The following PARM1 variants were observed in gnomAD, a reference collection of about 807,000 sequenced individuals.
The protein encoded by PARM1 is WSC4, cell wall integrity and stress response component 4 homolog.
Under a neutral mutation model 24.6 loss-of-function variants are expected in PARM1, and 14 were observed. The ratio of observed to expected loss-of-function variants is 0.57; its 90% CI spans 0.38 to 0.89. The LOEUF (loss-of-function observed/expected upper bound fraction) is 0.89, where lower values mean the gene tolerates loss of function less well. PARM1 is among the 40% of genes least tolerant of loss of function. The pLI is 0.00. For missense variants in PARM1, 362 were observed against 380.4 expected (o/e 0.95, Z 0.40); for synonymous variants, 179 against 156.6 (o/e 1.14, Z -1.07).
chr4:74,976,860 A>C lies in PARM1; in HGVS notation c.44-35565A>C, dbSNP rs540170208. ...CCCCAGAAAACCACAGCAGCCTTAC[A>C]GAAGAGGGGCCAGACTGTTAAAAGA... On this transcript the variant is annotated intron_variant, in intron 1 of 3. Coordinates refer to ENST00000307428, the MANE Select transcript of PARM1 (RefSeq NM_015393.4). Among the ~76,000 whole-genome samples the C allele has an allele frequency of 3.9e-5, 6 of 152,306 alleles. No homozygotes were observed. The South Asian group carries it at 1.0e-3, about 26-fold the overall frequency.
At chr4:75,024,743 G>C (rs1723151965) in intron 2 of PARM1, among the ~76,000 whole-genome samples, 1 of 152,146 alleles carries the variant, frequency 6.6e-6, no homozygotes, top group African/African-American at 2.4e-5. Context: ...TCGTCGCCCA[G>C]GCTGGACTGT....
At chr4:74,959,782 A>T (rs1276898792) in intron 1 of PARM1, among the ~76,000 whole-genome samples, 1 of 152,234 alleles carries the variant, frequency 6.6e-6, no homozygotes, top group South Asian at 2.1e-4. Flanking sequence ...CAGATTTTTC[A>T]TCATTAAGAA....
intron 1 of PARM1, among the ~76,000 whole-genome samples, chr4:74,986,117 A>G (rs1722350504): frequency 6.6e-6 from 1 of 152,132 alleles, no homozygotes; most frequent in Admixed American, 6.6e-5. Context: ...ATGCTGAGAG[A>G]TGGCATTTTG....
intron 1 of PARM1, among the ~76,000 whole-genome samples, chr4:74,986,349 G>T (rs1369411701): frequency 6.6e-6 from 1 of 152,114 alleles, no homozygotes; most frequent in African/African-American, 2.4e-5. Flanking sequence ...TATACTCAAA[G>T]TGCTAATTAC....
Position 75,046,369 on chromosome 4 carries a change from G to T in PARM1, c.*122G>T. ...TCTTAAGCCCTGTTTTGTTGGTATG[G>T]TTGTTTTTGTTTTCCTCCCTCTCCT... On this transcript the variant is annotated 3_prime_UTR_variant, in exon 4 of 4. Coordinates refer to ENST00000307428, the MANE Select transcript of PARM1 (RefSeq NM_015393.4). 2 of 644,178 alleles carry T rather than the reference G, an allele frequency of 3.1e-6. No homozygotes were observed. The highest frequency in any genetic ancestry group is 5.4e-6 in the Non-Finnish European group (2 of 369,216). 39.9% of individuals were successfully genotyped at this position (644,178 alleles called of 1,614,324 possible). A position where few individuals can be genotyped will look rare whatever the true frequency, so the allele number is the denominator to read the frequency against.
chr4:75,007,887 C>T (rs529647391), intron 1 of PARM1, among the ~76,000 whole-genome samples: 13 of 152,308 alleles, frequency 8.5e-5, no homozygotes, highest in Admixed American at 3.3e-4. Context: ...AGATAGAAGG[C>T]GATCATCTTC....
intron 1 of PARM1, among the ~76,000 whole-genome samples, chr4:75,001,678 C>CAT (rs761182336): frequency 9.9e-5 from 15 of 152,162 alleles, no homozygotes; most frequent in Non-Finnish European, 1.5e-4. Flanking sequence ...TATACCCATT[C>CAT]ATGCTGACTG....
chr4:74,977,840 C>T (rs1228522503), intron 1 of PARM1, among the ~76,000 whole-genome samples: 2 of 152,112 alleles, frequency 1.3e-5, no homozygotes, highest in African/African-American at 4.8e-5. Context: ...GAATTTCCAA[C>T]CCAGAATTTC....
chr4:75,038,498 G>A (rs550053652), intron 3 of PARM1, among the ~76,000 whole-genome samples: 7 of 152,306 alleles, frequency 4.6e-5, no homozygotes, highest in African/African-American at 1.4e-4. Flanking sequence ...TTCAGTAGGC[G>A]TAGGGATTCA....
chr4:75,013,327 A>C (rs1288601924), intron 2 of PARM1, among the ~76,000 whole-genome samples, 177 bp downstream of exon 2: 1 of 152,258 alleles, frequency 6.6e-6, no homozygotes, highest in Non-Finnish European at 1.5e-5. Flanking sequence ...AACAATTTTC[A>C]TGATTCACTG....
chr4:75,009,570 G>C (rs1470178565), intron 1 of PARM1, among the ~76,000 whole-genome samples: 2 of 152,200 alleles, frequency 1.3e-5, no homozygotes, highest in African/African-American at 4.8e-5. Context: ...GAGTGAAGCT[G>C]ATCTTTAAGC....
Position 74,936,458 on chromosome 4 carries a change from T to TG in PARM1, c.43+3088_43+3089insG, listed in dbSNP as rs1560768673. ...CAAGTGTTTTTTTTTTGTTTGTTTT[T>TG]TTGTTTTTTTTTTGAGATGGAGTCT... On this transcript the variant is annotated intron_variant, in intron 1 of 3. Coordinates refer to ENST00000307428, the MANE Select transcript of PARM1 (RefSeq NM_015393.4). 7.7e-5 allele frequency among the ~76,000 whole-genome samples: 11 copies of TG among 142,618 alleles called. No individual in the cohort carries two copies. In the South Asian group the frequency reaches 8.8e-4, roughly 11 times the overall value. 93.6% of individuals were successfully genotyped at this position (142,618 alleles called of 152,430 possible).
intron 2 of PARM1, among the ~76,000 whole-genome samples, chr4:75,027,518 C>A (rs1303113391): frequency 2.6e-5 from 4 of 152,102 alleles, no homozygotes; most frequent in Non-Finnish European, 5.9e-5. Flanking sequence ...CTAAGGTTTT[C>A]TTTTCTCACT....
At chr4:74,974,370 A>C (rs767816223) in intron 1 of PARM1, among the ~76,000 whole-genome samples, 5 of 152,190 alleles carry the variant, frequency 3.3e-5, no homozygotes, top group Non-Finnish European at 7.4e-5. Context: ...CTGTCATAGC[A>C]GTGACACCCT....
At chr4:75,045,082 C>A (rs1560396853) in intron 3 of PARM1, among the ~76,000 whole-genome samples, 1 of 152,164 alleles carries the variant, frequency 6.6e-6, no homozygotes, top group Non-Finnish European at 1.5e-5. Context: ...GAAGGCCTCA[C>A]TGAGAAGGTG....
intron 2 of PARM1, among the ~76,000 whole-genome samples, chr4:75,031,012 C>T (rs1723265428): frequency 2.6e-5 from 4 of 152,196 alleles, no homozygotes; most frequent in Admixed American, 2.6e-4. Context: ...GTTGCGCTAA[C>T]ATGGGCTCAG....
chr4:75,030,823 G>T (rs965069187), intron 2 of PARM1, among the ~76,000 whole-genome samples: 3 of 152,020 alleles, frequency 2.0e-5, no homozygotes, highest in Non-Finnish European at 2.9e-5. Context: ...TTCCTCATAA[G>T]CCAGAGGCTC....
At chr4:75,013,526 A>G (rs554774453) in intron 2 of PARM1, among the ~76,000 whole-genome samples, 43 of 152,364 alleles carry the variant, frequency 2.8e-4, no homozygotes, top group African/African-American at 9.6e-4. Flanking sequence ...CCACATCTGT[A>G]AAATGGGATA....
intron 1 of PARM1, among the ~76,000 whole-genome samples, chr4:74,961,260 A>T (rs1341284642): frequency 6.6e-6 from 1 of 152,160 alleles, no homozygotes; most frequent in Non-Finnish European, 1.5e-5. Context: ...TTCTGGAGAA[A>T]ACAGAAAAAA....
Sources: gnomAD v4.1 joint callset for allele counts (sites outside exome capture counted in the v4.1 genomes callset) on GRCh38, gnomAD v4.1.1 for gene constraint, MANE v1.5 for transcripts, NCBI Gene and HGNC (gene_info 2026-07-23, HGNC 2026-07-21) for gene names.